ZBTB17: variants seen among roughly 807,000 people sequenced by gnomAD.
ZBTB17 encodes zinc finger and BTB domain containing 17, also known as zinc finger and BTB domain-containing protein 17.
Under a neutral mutation model 85.1 loss-of-function variants are expected in ZBTB17, and 24 were observed. That is an observed-to-expected ratio of 0.28 (90% CI 0.20 to 0.40). The LOEUF (loss-of-function observed/expected upper bound fraction) is 0.40, where lower values mean the gene tolerates loss of function less well. ZBTB17 is among the 10% of genes least tolerant of loss of function. The pLI, the probability that ZBTB17 is intolerant of heterozygous loss-of-function variation, is 1.00. For synonymous variants in ZBTB17, 464 were observed against 460.2 expected, an observed-to-expected ratio of 1.01 and a Z score of -0.11; for missense variants, 743 against 1,105.1, an observed-to-expected ratio of 0.67 and a Z score of 4.65.
rs773400544 is a variant in ZBTB17, at chr1:15,946,916, G to A, written c.394+19C>T. 1.3e-5 allele frequency: 21 copies of A among 1,595,964 alleles called. No individual in the cohort carries two copies. Among genetic ancestry groups the A allele is most frequent in the Non-Finnish European group, 1.6e-5 (19 of 1,166,228 alleles). ...AAGGTCTCTGGCCATCTGCTTGGGA[G>A]CAGCTGCCAATAACCTACCTTCTGT... On this transcript the variant is annotated intron_variant, in intron 4 of 15. Transcript: ENST00000375743.
chr1:15,946,287 G>C lies in ZBTB17; in HGVS notation c.402C>G (p.Asp134Glu), dbSNP rs770511924. 6.2e-7 allele frequency: 1 copy of C among 1,612,580 alleles called. No individual in the cohort carries two copies. Among genetic ancestry groups the C allele is most frequent in the Admixed American group, 1.7e-5 (1 of 59,962 alleles). ...NAEALATEGGDKRAKEEKVAT... is the reference protein window; with the variant it reads ...NAEALATEGGEKRAKEEKVAT... The stretch of plus-strand genomic sequence containing the variant: ...CCACCTTCTCCTCTTTGGCTCTCTT[G>C]TCCCCTCCTGGAGATGGAACAGGGC... Residue 134 changes from aspartate (D) to glutamate (E), a missense_variant, in exon 5 of 16, where the codon GAC (aspartate) becomes GAG (glutamate). This residue lies in a region of ZBTB17 where 279 missense variants were observed against 269.9 expected (regional missense o/e 1.03). Coordinates refer to ENST00000375743, the MANE Select transcript of ZBTB17 (RefSeq NM_003443.3).
chr1:15,949,641 C>G (rs980950437), intron 2 of ZBTB17, among the ~76,000 whole-genome samples: 4 of 152,252 alleles, frequency 2.6e-5, no homozygotes, highest in Non-Finnish European at 5.9e-5. Flanking sequence ...CTCTCCGCCC[C>G]CAGTTTCGGC....
chr1:15,955,931 G>A (rs2179615), intron 2 of ZBTB17, among the ~76,000 whole-genome samples: 27,167 of 152,178 alleles, frequency 0.18, 3,114 homozygotes, highest in South Asian at 0.28. Context: ...CCCTCTGCCT[G>A]ATCCCTGATG....
chr1:15,963,891 A>G (rs968714194), intron 2 of ZBTB17, among the ~76,000 whole-genome samples: 3 of 152,034 alleles, frequency 2.0e-5, no homozygotes, highest in African/African-American at 7.3e-5. Context: ...GGAGTGCTTG[A>G]GCCCAGGAGT....
At chr1:15,948,946 A>G (rs556524524) in intron 2 of ZBTB17, among the ~76,000 whole-genome samples, 1 of 152,308 alleles carries the variant, frequency 6.6e-6, no homozygotes, top group African/African-American at 2.4e-5. Flanking sequence ...GGTCTTTAAG[A>G]AAACTTTCCT....
chr1:15,944,462 GC>G lies in ZBTB17; in HGVS notation c.1208del (p.Gly403AlafsTer56). On this transcript the variant is annotated frameshift_variant, in exon 9 of 16. Coordinates refer to ENST00000375743, the MANE Select transcript of ZBTB17 (RefSeq NM_003443.3). LOFTEE classifies it high-confidence loss of function. ...GCACCAGCTGGTGGCGCTTGAGGTT[GC>G]CCGAGGTGGTGAAGAGCTTGCCGCA... is the stretch of plus-strand genomic sequence containing the variant. ...EDCGKLFTTS[G>X]NLKRHQLVHS... 6.3e-7 allele frequency: 1 copy of G among 1,576,312 alleles called. No homozygotes were observed. The highest frequency in any genetic ancestry group is 8.6e-7 in the Non-Finnish European group (1 of 1,162,046).
At chr1:15,961,095 C>T (rs141602774) in intron 2 of ZBTB17, among the ~76,000 whole-genome samples, 5 of 152,250 alleles carry the variant, frequency 3.3e-5, no homozygotes, top group South Asian at 2.1e-4. Context: ...GCCTGGGCAA[C>T]AGAGTGAGAC....
At chr1:15,975,143 T>C (rs1387711711) in intron 1 of ZBTB17, among the ~76,000 whole-genome samples, 2 of 152,248 alleles carry the variant, frequency 1.3e-5, no homozygotes, top group Non-Finnish European at 2.9e-5. Context: ...GTCTCCCACA[T>C]GGGTCTCTGA....
Position 15,942,128 on chromosome 1 carries a change from C to T in ZBTB17, c.2253G>A (p.Ala751=), listed in dbSNP as rs771818665. The change falls in exon 16 of 16, where the codon GCG becomes GCA. Residue 751 remains alanine, a synonymous_variant. Transcript: ENST00000375743. ...CTGGCCCATACTGCTGATAGAAGTC[C>T]GCGTCTGTCTGGAACATGACCAGTG... ...AQALVMFQTD[A]DFYQQYGPGG... 17 of 1,613,510 alleles carry T rather than the reference C, an allele frequency of 1.1e-5. No individual in the cohort carries two copies. Among genetic ancestry groups the T allele is most frequent in the Admixed American group, 6.7e-5 (4 of 60,024 alleles).
At chr1:15,974,014 A>AC (rs2072765965) in intron 1 of ZBTB17, among the ~76,000 whole-genome samples, 1 of 151,812 alleles carries the variant, frequency 6.6e-6, no homozygotes, top group Admixed American at 6.6e-5. Flanking sequence ...ACATAGTGAG[A>AC]CCCCATCTCT....
rs578034508 is a variant in ZBTB17, at chr1:15,964,704, G to A, written c.-3+8335C>T. On this transcript the variant is annotated intron_variant, in intron 2 of 15. Transcript: ENST00000375743. The surrounding 1 kb of genome is among the most constrained non-coding windows in gnomAD (Gnocchi z 4.3). ...TGCACTACAGCCTGGGTGACAGAGC[G>A]AGACCCTGTCTCAGAAAAAAATAAA... is the stretch of plus-strand genomic sequence containing the variant. Among the ~76,000 whole-genome samples, 20 of 152,118 alleles carry A rather than the reference G, an allele frequency of 1.3e-4. No homozygotes were observed. The highest frequency in any genetic ancestry group is 2.5e-4 in the Non-Finnish European group (17 of 68,028).
At position 15,946,999 on chromosome 1, in the gene ZBTB17, G is replaced by C; in HGVS notation, c.330C>G (p.Ala110=). 6.2e-7 allele frequency: 1 copy of C among 1,614,106 alleles called. No individual in the cohort carries two copies. The highest frequency in any genetic ancestry group is 8.5e-7 in the Non-Finnish European group (1 of 1,179,998). ...TAGCCGGCTCAGCAAGTGACTTGAG[G>C]GCATGGCAGGCCGTGATGATGTCCT... The part of the protein sequence containing the change: ...QMQDIITACH[A]LKSLAEPATS... Residue 110 remains alanine (A), a synonymous_variant, in exon 4 of 16, where the codon GCC becomes GCG. Coordinates refer to ENST00000375743, the MANE Select transcript of ZBTB17 (RefSeq NM_003443.3).
Position 15,973,616 on chromosome 1 carries a change from C to G in ZBTB17, c.-89-491G>C, listed in dbSNP as rs983801148. ...AAAACTAAACATATCTGCCCTCCCC[C>G]AGATCTGCTCCCCGTACTGCTCCCT... On this transcript the variant is annotated intron_variant, in intron 1 of 15. Transcript: ENST00000375743. The surrounding 1 kb of genome is among the most constrained non-coding windows in gnomAD (Gnocchi z 4.1). Among the ~76,000 whole-genome samples, 1 of 152,176 alleles carries G rather than the reference C, an allele frequency of 6.6e-6. No homozygotes were observed. Among genetic ancestry groups the G allele is most frequent in the Non-Finnish European group, 1.5e-5 (1 of 68,036 alleles).
At chr1:15,975,289 T>C (rs2072826353) in intron 1 of ZBTB17, among the ~76,000 whole-genome samples, 2 of 152,180 alleles carry the variant, frequency 1.3e-5, no homozygotes, top group Non-Finnish European at 2.9e-5. Flanking sequence ...TCATCTCTGC[T>C]TAAAGGATGA....
intron 3 of ZBTB17, 27 bp from the exon 4 acceptor site, chr1:15,947,150 G>A: frequency 5.0e-6 from 8 of 1,586,832 alleles, no homozygotes; most frequent in Non-Finnish European, 6.0e-6. Flanking sequence ...AGCTGTCACA[G>A]ACCCACCTCA....
At position 15,942,384 on chromosome 1, in the gene ZBTB17, G is replaced by A. The variant is rs772486186; in HGVS notation, c.2075C>T (p.Thr692Met). 5 of 1,613,796 alleles carry A rather than the reference G, an allele frequency of 3.1e-6. No individual in the cohort carries two copies. The highest frequency in any genetic ancestry group is 1.1e-5 in the South Asian group (1 of 91,080). Reference sequence around the variant, plus strand: ...GCTGATCTCGGCCTTCAGGACTTCCGTCTCATCGGCTGTCACTGCAGCTCC... The same window carrying A: ...GCTGATCTCGGCCTTCAGGACTTCCATCTCATCGGCTGTCACTGCAGCTCC... ...PVGAAVTADETEVLKAEISKA... is the reference protein window; with the variant it reads ...PVGAAVTADEMEVLKAEISKA... The change falls in exon 15 of 16, where the codon ACG (threonine) becomes ATG (methionine). Residue 692 changes from threonine (T) to methionine (M), a missense_variant. By Grantham distance (81) the Thr-to-Met change is moderately conservative. Around this residue, in one of 4 missense-constraint regions of ZBTB17, gnomAD observed 321 missense variants for 615.7 expected, o/e 0.52. Transcript: ENST00000375743.
At chr1:15,957,031 T>A (rs2072067530) in intron 2 of ZBTB17, among the ~76,000 whole-genome samples, 5 of 151,744 alleles carry the variant, frequency 3.3e-5, no homozygotes. Context: ...ATATAAAAAA[T>A]TAGCCGGGCA....
In ZBTB17 at chr1:15,943,213, G is replaced by A; in HGVS notation, c.1698-19C>T. The A allele has an allele frequency of 6.2e-7, 1 of 1,614,098 alleles. No individual in the cohort carries two copies. Among genetic ancestry groups the A allele is most frequent in the Non-Finnish European group, 8.5e-7 (1 of 1,179,980 alleles). ...GACGAATCTGTGGGGCCACAGGAAG[G>A]GACTCGCATGGAACTGCCCCAACCT... is the stretch of plus-strand genomic sequence containing the variant. On this transcript the variant is annotated intron_variant, in intron 12 of 15. Transcript: ENST00000375743.
intron 2 of ZBTB17, among the ~76,000 whole-genome samples, chr1:15,954,507 T>C (rs1457300995): frequency 2.6e-5 from 4 of 152,220 alleles, no homozygotes; most frequent in Admixed American, 2.0e-4. Flanking sequence ...AGGATCACCA[T>C]TTGGCTTCCA....
Sources: allele counts gnomAD v4.1 joint callset (sites outside exome capture counted in the v4.1 genomes callset), GRCh38; gene constraint gnomAD v4.1.1; regional missense constraint gnomAD v4.1.1; non-coding constraint Gnocchi (gnomAD v3.1); transcripts MANE v1.5; gene names NCBI Gene and HGNC (gene_info 2026-07-23, HGNC 2026-07-21).